The following DHRS7B variants were observed in gnomAD, a reference collection of about 807,000 sequenced individuals.
DHRS7B encodes the protein peroxisomal reductase activating PPAR-gamma.
Under a neutral mutation model 26.4 loss-of-function variants are expected in DHRS7B, and 24 were observed. The observed-to-expected ratio is 0.91, with a 90% CI of 0.66 to 1.28. DHRS7B has a LOEUF of 1.28. Ranked by LOEUF, DHRS7B falls within the 50% of genes most tolerant of loss-of-function variation. DHRS7B has a pLI of 0.00. For missense variants in DHRS7B, 368 were observed against 419.4 expected, an observed-to-expected ratio of 0.88 and a Z score of 1.07; for synonymous variants, 142 against 166.4, an observed-to-expected ratio of 0.85 and a Z score of 1.13.
At chr17:21,179,272 G>C (rs186756438) in intron 3 of DHRS7B, among the ~76,000 whole-genome samples, 43 of 152,210 alleles carry the variant, frequency 2.8e-4, no homozygotes, top group East Asian at 2.7e-3. Flanking sequence ...CTTTTCATGT[G>C]CTTATTGACC....
chr17:21,174,947 G>T (rs1377322891), intron 2 of DHRS7B, among the ~76,000 whole-genome samples: 1 of 152,212 alleles, frequency 6.6e-6, no homozygotes, highest in Non-Finnish European at 1.5e-5. Flanking sequence ...CAGGGTTGGG[G>T]CGCTGGGACC....
At chr17:21,144,545 T>C (rs1182825967) in intron 1 of DHRS7B, among the ~76,000 whole-genome samples, 1 of 152,174 alleles carries the variant, frequency 6.6e-6, no homozygotes, top group Non-Finnish European at 1.5e-5. Context: ...AGGCTGGGCA[T>C]GGTGACTCAC....
At chr17:21,183,869 C>T (rs1043304061) in intron 4 of DHRS7B, 59 bp downstream of exon 4, 3 of 1,459,738 alleles carry the variant, frequency 2.1e-6, no homozygotes, top group Non-Finnish European at 2.9e-6. Context: ...TTTTACTTCA[C>T]TTGGATCCTT....
At chr17:21,140,022 C>CTTTTTTTTTTTTTTTTTTTT in intron 1 of DHRS7B, among the ~76,000 whole-genome samples, 1 of 106,702 alleles carries the variant, frequency 9.4e-6, no homozygotes, top group Non-Finnish European at 1.8e-5. Context: ...CTTTCAGATT[C>CTTTTTTTTTTTTTTTTTTTT]TTTTTTTTTT....
intron 1 of DHRS7B, among the ~76,000 whole-genome samples, chr17:21,165,798 CG>C (rs1410295231): frequency 2.0e-5 from 3 of 151,516 alleles, no homozygotes; most frequent in Non-Finnish European, 4.4e-5. Flanking sequence ...CGCCTGTAGT[CG>C]CAGCTACGCG....
chr17:21,185,626 A>G (rs1292734169), intron 5 of DHRS7B, among the ~76,000 whole-genome samples: 1 of 152,168 alleles, frequency 6.6e-6, no homozygotes, highest in Non-Finnish European at 1.5e-5. Context: ...ACAATTATAT[A>G]TAGAATCATC....
intron 2 of DHRS7B, among the ~76,000 whole-genome samples, chr17:21,176,143 A>G (rs892000224): frequency 6.6e-6 from 1 of 151,914 alleles, no homozygotes; most frequent in African/African-American, 2.4e-5. Context: ...GGCATGCGCC[A>G]CCACACCTGG....
chr17:21,132,336 TAAA>T (rs56350315), intron 1 of DHRS7B, among the ~76,000 whole-genome samples: 1,389 of 133,862 alleles, frequency 0.01, 21 homozygotes, highest in African/African-American at 0.033. Flanking sequence ...CCCCATCTCT[TAAA>T]AAAAAAAAAA....
At chr17:21,150,111 A>AC (rs1428289521) in intron 1 of DHRS7B, among the ~76,000 whole-genome samples, 1 of 133,192 alleles carries the variant, frequency 7.5e-6, no homozygotes, top group East Asian at 2.1e-4. Context: ...TATTTAAAAA[A>AC]AAAAAAAAAA....
At chr17:21,148,096 G>A (rs1973681166) in intron 1 of DHRS7B, among the ~76,000 whole-genome samples, 1 of 151,858 alleles carries the variant, frequency 6.6e-6, no homozygotes, top group African/African-American at 2.4e-5. Context: ...TATACTTTTT[G>A]TAGAGACAAG....
intron 1 of DHRS7B, among the ~76,000 whole-genome samples, chr17:21,170,384 T>C (rs1974212661): frequency 6.6e-6 from 1 of 152,166 alleles, no homozygotes; most frequent in Non-Finnish European, 1.5e-5. Flanking sequence ...GGTCAGAACT[T>C]CCTCTTGGGG....
chr17:21,148,572 C>T (rs1043461064), intron 1 of DHRS7B, among the ~76,000 whole-genome samples: 1 of 152,010 alleles, frequency 6.6e-6, no homozygotes, highest in Admixed American at 6.6e-5. Context: ...GGTGAAACCC[C>T]ATTTCTACCA....
intron 1 of DHRS7B, among the ~76,000 whole-genome samples, chr17:21,156,911 CAAA>C (rs35192518): frequency 1.4e-5 from 2 of 139,540 alleles, no homozygotes; most frequent in East Asian, 2.1e-4. Flanking sequence ...AATTCTGTCT[CAAA>C]AAAAAAAAAA....
intron 1 of DHRS7B, among the ~76,000 whole-genome samples, chr17:21,138,101 T>TATATATATACACACAC (rs1555536219): frequency 1.2e-5 from 1 of 86,110 alleles, no homozygotes; most frequent in African/African-American, 5.6e-5. Flanking sequence ...TATATATATA[T>TATATATATACACACAC]ACACACACAC....
intron 1 of DHRS7B, among the ~76,000 whole-genome samples, chr17:21,141,368 A>G (rs1357207062): frequency 6.6e-6 from 1 of 152,178 alleles, no homozygotes. Flanking sequence ...TTGAGAGAAA[A>G]AGCAATAGGG....
At chr17:21,176,525 C>CAGG (rs1974383003) in intron 2 of DHRS7B, among the ~76,000 whole-genome samples, 2 of 151,984 alleles carry the variant, frequency 1.3e-5, no homozygotes, top group Admixed American at 1.3e-4. Flanking sequence ...CACTGGAACC[C>CAGG]AGGAGTTCGA....
intron 1 of DHRS7B, among the ~76,000 whole-genome samples, chr17:21,163,038 A>G (rs930801184): frequency 2.0e-5 from 3 of 151,978 alleles, no homozygotes; most frequent in African/African-American, 7.3e-5. Flanking sequence ...TCTACTAAAA[A>G]CACAAAAATT....
chr17:21,143,010 C>T (rs1383799607), intron 1 of DHRS7B, among the ~76,000 whole-genome samples: 1 of 152,206 alleles, frequency 6.6e-6, no homozygotes, highest in Non-Finnish European at 1.5e-5. Context: ...CTCATCACAA[C>T]CTCCACCTCC....
chr17:21,161,812 T>C (rs1028671438), intron 1 of DHRS7B, among the ~76,000 whole-genome samples: 1 of 152,172 alleles, frequency 6.6e-6, no homozygotes, highest in Non-Finnish European at 1.5e-5. Context: ...ATCATAGATG[T>C]TGGGAGTGGC....
Sources: gnomAD v4.1 joint callset for allele counts (sites outside exome capture counted in the v4.1 genomes callset) on GRCh38, gnomAD v4.1.1 for gene constraint, MANE v1.5 for transcripts, NCBI Gene and HGNC (gene_info 2026-07-23, HGNC 2026-07-21) for gene names.